TCHP: variants seen among roughly 807,000 people sequenced by gnomAD.
The protein encoded by TCHP is trichoplein keratin filament binding.
In TCHP, 81 loss-of-function variants were observed where a neutral mutation model predicts 88.7. That is an observed-to-expected ratio of 0.91 (90% confidence interval 0.76 to 1.10). The LOEUF (loss-of-function observed/expected upper bound fraction) is 1.10, where lower values mean the gene tolerates loss of function less well. Among genes scored for constraint, TCHP ranks in the 50% least tolerant of loss-of-function variants. The probability of loss-of-function intolerance (pLI) is 0.00; values close to 1 mark genes in which losing one functional copy is unlikely to be tolerated. For missense variants in TCHP, 641 were observed against 632.1 expected, an observed-to-expected ratio of 1.01 and a Z score of -0.15; for synonymous variants, 232 against 232.5, an observed-to-expected ratio of 1.00 and a Z score of 0.02.
upstream of TCHP, among the ~76,000 whole-genome samples, chr12:109,895,371 G>A (rs1204792383): frequency 6.6e-6 from 1 of 151,132 alleles, no homozygotes; most frequent in Non-Finnish European, 1.5e-5. Context: ...CATCACACCC[G>A]ATTAATAAAA....
chr12:109,897,544 CTTTTCT>C (rs1177291495), upstream of TCHP, among the ~76,000 whole-genome samples: 24 of 145,558 alleles, frequency 1.6e-4, no homozygotes, highest in African/African-American at 6.8e-4. Flanking sequence ...ATTTCTTTTT[CTTTTCT>C]TTTCTTTCTT....
At chr12:109,894,611 C>T in the TCHP span, among the ~76,000 whole-genome samples, 4 of 151,266 alleles carry the variant, frequency 2.6e-5, no homozygotes, top group Admixed American at 6.6e-5. Context: ...ACTAAAAATA[C>T]AAAATTAGTT....
intron 8 of TCHP, among the ~76,000 whole-genome samples, chr12:109,909,823 G>A (rs1188935080): frequency 1.3e-5 from 2 of 152,140 alleles, no homozygotes; most frequent in African/African-American, 4.8e-5. Context: ...AAAATTAGCC[G>A]GGTGTGGTGG....
chr12:109,894,286 A>C, the TCHP span, among the ~76,000 whole-genome samples: 2 of 150,254 alleles, frequency 1.3e-5, no homozygotes, highest in Non-Finnish European at 3.0e-5. Flanking sequence ...GTGAAACCCT[A>C]TCTCTACTAA....
chr12:109,882,416 C>A, the TCHP span, among the ~76,000 whole-genome samples: 1 of 136,618 alleles, frequency 7.3e-6, no homozygotes. Flanking sequence ...CCAGAGCGAG[C>A]GAGACTCCGT....
At chr12:109,912,746 G>A (rs765259209) in intron 9 of TCHP, among the ~76,000 whole-genome samples, 4 of 152,080 alleles carry the variant, frequency 2.6e-5, no homozygotes, top group Non-Finnish European at 4.4e-5. Context: ...AGCCGAGATC[G>A]CACCACTGCA....
At chr12:109,898,755 G>A (rs745988193), upstream of TCHP, among the ~76,000 whole-genome samples, 1 of 152,148 alleles carries the variant, frequency 6.6e-6, no homozygotes, top group African/African-American at 2.4e-5. Context: ...AGCCTCCCAA[G>A]TTGCTAGGAC....
chr12:109,911,268 C>G (rs1467210063), intron 9 of TCHP, 33 bp downstream of exon 9: 3 of 1,291,782 alleles, frequency 2.3e-6, no homozygotes, highest in Non-Finnish European at 3.2e-6. Flanking sequence ...GCTGGATGCT[C>G]CTGGCCTCAA....
At chr12:109,889,975 C>T in the TCHP span, among the ~76,000 whole-genome samples, 1 of 152,234 alleles carries the variant, frequency 6.6e-6, no homozygotes, top group Non-Finnish European at 1.5e-5. Context: ...CACCCGCCAA[C>T]AGGCCCACTT....
intron 11 of TCHP, chr12:109,915,011 G>A (rs996971242): frequency 2.0e-5 from 8 of 410,068 alleles, no homozygotes; most frequent in Non-Finnish European, 3.6e-5. Flanking sequence ...AGCCTCTCCA[G>A]CTTTCCATGA....
At chr12:109,886,405 T>C in the TCHP span, among the ~76,000 whole-genome samples, 1 of 152,176 alleles carries the variant, frequency 6.6e-6, no homozygotes, top group Non-Finnish European at 1.5e-5. Context: ...CCCAAAGTGC[T>C]GGGATTACAG....
In TCHP at chr12:109,916,224, G is replaced by T. The variant is rs150815499; in HGVS notation, c.1465-367G>T. ...ATGAGGGCTGGCTCCCTTGTGGTCA[G>T]ATGACACTGGGAAACTGAGTGAAAC... On this transcript the variant is annotated intron_variant, in intron 12 of 12. Coordinates refer to ENST00000405876, the MANE Select transcript of TCHP (RefSeq NM_001143852.2). Among the ~76,000 whole-genome samples, 410 of 152,346 alleles carry T rather than the reference G, an allele frequency of 2.7e-3. 2 individuals carry two copies. The highest frequency in any genetic ancestry group is 9.6e-3 in the African/African-American group (398 of 41,578).
chr12:109,886,403 G>T, the TCHP span, among the ~76,000 whole-genome samples: 2 of 152,120 alleles, frequency 1.3e-5, no homozygotes, highest in Non-Finnish European at 2.9e-5. Context: ...CTCCCAAAGT[G>T]CTGGGATTAC....
chr12:109,885,759 G>C, the TCHP span, among the ~76,000 whole-genome samples: 1 of 151,444 alleles, frequency 6.6e-6, no homozygotes, highest in East Asian at 1.9e-4. Flanking sequence ...GTGATTACAA[G>C]CGTGAGACAC....
At chr12:109,893,473 A>G in the TCHP span, among the ~76,000 whole-genome samples, 2 of 152,066 alleles carry the variant, frequency 1.3e-5, no homozygotes, top group South Asian at 2.1e-4. Flanking sequence ...AGAGAACTCT[A>G]GCTCTGGGGA....
rs147036260 is a variant in TCHP at position 109,915,546 on chromosome 12, G to T, written c.1464G>T (p.Lys488Asn). Reference protein sequence around the residue: ...ETMAEQGYRPKPYGHPKIAWN With the variant: ...ETMAEQGYRPNPYGHPKIAWN The stretch of plus-strand genomic sequence containing the variant: ...TGGCTGAGCAGGGCTACCGGCCTAA[G>T]GTAGGAAGTCTGCCAGGATATAGGC... The change falls in exon 12 of 13, where the codon AAG (lysine) becomes AAT (asparagine). Residue 488 changes from lysine (K) to asparagine (N), a missense_variant and splice_region_variant. Coordinates refer to ENST00000405876, the MANE Select transcript of TCHP (RefSeq NM_001143852.2). The T allele has an allele frequency of 6.8e-6, 11 of 1,610,688 alleles. No homozygotes were observed. Among genetic ancestry groups the T allele is most frequent in the Non-Finnish European group, 9.3e-6 (11 of 1,177,964 alleles).
chr12:109,887,314 C>T, the TCHP span, among the ~76,000 whole-genome samples: 11 of 148,920 alleles, frequency 7.4e-5, no homozygotes, highest in Non-Finnish European at 1.2e-4. Context: ...CCCAGCTACT[C>T]GGGAGGCTGA....
At chr12:109,909,202 C>T (rs1171003383) in intron 8 of TCHP, among the ~76,000 whole-genome samples, 1 of 152,192 alleles carries the variant, frequency 6.6e-6, no homozygotes, top group African/African-American at 2.4e-5. Context: ...TGAAAACCAA[C>T]TGTGAGGTGA....
chr12:109,902,368 T>A (rs1869849612), intron 1 of TCHP, among the ~76,000 whole-genome samples: 1 of 152,136 alleles, frequency 6.6e-6, no homozygotes, highest in Admixed American at 6.6e-5. Context: ...AGTCTCATGA[T>A]GTGGCTGGTC....
Sources: allele counts gnomAD v4.1 joint callset (sites outside exome capture counted in the v4.1 genomes callset), GRCh38; gene constraint gnomAD v4.1.1; transcripts MANE v1.5; gene names NCBI Gene and HGNC (gene_info 2026-07-23, HGNC 2026-07-21).